Variants in EXO1 observed in about 807,000 individuals in gnomAD.
EXO1 encodes exonuclease 1.
In EXO1, 69 loss-of-function variants were observed where a neutral mutation model predicts 84.5. The ratio of observed to expected loss-of-function variants is 0.82; its 90% CI spans 0.67 to 1.00. The LOEUF (loss-of-function observed/expected upper bound fraction) is 1.00, where lower values mean the gene tolerates loss of function less well. EXO1 is among the 50% of genes least tolerant of loss of function. The pLI, the probability that EXO1 is intolerant of heterozygous loss-of-function variation, is 0.00. For synonymous variants in EXO1, 373 were observed against 366.1 expected, an observed-to-expected ratio of 1.02 and a Z score of -0.21; for missense variants, 1,045 against 1,000.7, an observed-to-expected ratio of 1.04 and a Z score of -0.60.
chr1:241,876,912 T>C (rs968519625), intron 12 of EXO1, among the ~76,000 whole-genome samples: 2 of 152,212 alleles, frequency 1.3e-5, no homozygotes, highest in Admixed American at 1.3e-4. Context: ...TTCACCTCCC[T>C]GAGCCTATTT....
At chr1:241,856,633 G>T (rs979494517) in intron 6 of EXO1, among the ~76,000 whole-genome samples, 1 of 152,072 alleles carries the variant, frequency 6.6e-6, no homozygotes, top group Non-Finnish European at 1.5e-5. Flanking sequence ...TTCGTAGCTT[G>T]ACAGGACAAC....
intron 4 of EXO1, among the ~76,000 whole-genome samples, chr1:241,850,859 T>TTA (rs1314388979): frequency 6.9e-6 from 1 of 144,076 alleles, no homozygotes; most frequent in Non-Finnish European, 1.5e-5. Flanking sequence ...TTTTTTTTTT[T>TTA]AGATGGAATC....
At chr1:241,871,266 T>C (rs1662075798) in intron 11 of EXO1, among the ~76,000 whole-genome samples, 5 of 152,212 alleles carry the variant, frequency 3.3e-5, no homozygotes, top group Non-Finnish European at 1.5e-5. Flanking sequence ...TTTAAAAATT[T>C]GAGACATCTC....
intron 8 of EXO1, among the ~76,000 whole-genome samples, chr1:241,859,317 C>G (rs1186367787): frequency 6.6e-6 from 1 of 152,112 alleles, no homozygotes; most frequent in Non-Finnish European, 1.5e-5. Context: ...TAGAAGACAG[C>G]TGTGTTCGTA....
chr1:241,870,256 C>G (rs755431220), intron 11 of EXO1, among the ~76,000 whole-genome samples: 6 of 152,114 alleles, frequency 3.9e-5, no homozygotes, highest in Admixed American at 2.0e-4. Flanking sequence ...GGTTTTGTCC[C>G]CTTTCTATAC....
intron 6 of EXO1, chr1:241,854,836 A>T (rs1227828367): frequency 6.5e-6 from 1 of 154,838 alleles, no homozygotes; most frequent in African/African-American, 2.4e-5. Flanking sequence ...TTCTGATGTT[A>T]GGATGTGTTC....
rs142108522 is a variant in EXO1 at position 241,878,885 on chromosome 1, G to A, written c.1651G>A (p.Val551Ile). The change falls in exon 13 of 16, where the codon GTT (valine) becomes ATT (isoleucine). Residue 551 changes from valine to isoleucine, a missense_variant. Val to Ile is a conservative substitution (Grantham distance 29). Transcript: ENST00000366548. The part of the protein sequence containing the change: ...EYGDQEGKRL[V>I]DTDVARNSSD... ...TGGAGACCAAGAAGGCAAGAGACTG[G>A]TTGACACAGATGTAGCACGTAATTC... The A allele has an allele frequency of 1.2e-5, 19 of 1,613,986 alleles. No homozygotes were observed. In the African/African-American group the frequency reaches 1.7e-4, roughly 15 times the overall value.
intron 6 of EXO1, among the ~76,000 whole-genome samples, chr1:241,856,926 G>A (rs1016135511): frequency 1.3e-5 from 2 of 152,128 alleles, no homozygotes; most frequent in African/African-American, 2.4e-5. Flanking sequence ...CCACCTACTC[G>A]GGAGGCTGAG....
chr1:241,868,534 G>C (rs1020747296), intron 11 of EXO1, among the ~76,000 whole-genome samples: 1 of 152,090 alleles, frequency 6.6e-6, no homozygotes, highest in Non-Finnish European at 1.5e-5. Flanking sequence ...CAAATGTGGT[G>C]ACGTGTGTCT....
intron 14 of EXO1, 27 bp downstream of exon 14, chr1:241,882,044 T>C: frequency 8.4e-7 from 1 of 1,191,872 alleles, no homozygotes; most frequent in East Asian, 2.4e-5. Context: ...ATTTTTTTTT[T>C]AATTTCAGAA....
rs1661328053 is a variant in EXO1 at position 241,860,606 on chromosome 1, C to T, written c.846C>T (p.Phe282=). 6 of 1,613,694 alleles carry T rather than the reference C, an allele frequency of 3.7e-6. No homozygotes were observed. Among genetic ancestry groups the T allele is most frequent in the Middle Eastern group, 3.3e-4 (2 of 6,062 alleles). Residue 282 remains phenylalanine (F), a synonymous_variant, in exon 9 of 16, where the codon TTC becomes TTT. Transcript: ENST00000366548. The part of the protein sequence containing the change: ...INGFIRANNT[F]LYQLVFDPIK... Reference sequence around the variant, plus strand: ...GGTTTATTCGGGCCAACAATACCTTCCTCTATCAGCTAGTTTTTGATCCCA... The same window carrying T: ...GGTTTATTCGGGCCAACAATACCTTTCTCTATCAGCTAGTTTTTGATCCCA...
At chr1:241,865,632 CTT>C (rs1661668794) in intron 10 of EXO1, among the ~76,000 whole-genome samples, 1 of 148,610 alleles carries the variant, frequency 6.7e-6, no homozygotes, top group Non-Finnish European at 1.5e-5. Context: ...GATGGCCATC[CTT>C]CATCAGCTCA....
Position 241,861,456 on chromosome 1 carries a change from TA to T in EXO1, c.998del (p.Asn333IlefsTer58). On this transcript the variant is annotated frameshift_variant, in exon 10 of 16. Coordinates refer to ENST00000366548, the MANE Select transcript of EXO1 (RefSeq NM_130398.4). LOFTEE classifies it high-confidence loss of function. ...CAAATAGCACTTGGAAATAAAGATA[TA>T]AATACTTTTGAACAGATCGATGACT... is the stretch of plus-strand genomic sequence containing the variant. Reference protein sequence around the residue: ...ALQIALGNKDINTFEQIDDYN... With the variant: ...ALQIALGNKDXNTFEQIDDYN... 6.3e-7 allele frequency: 1 copy of T among 1,594,350 alleles called. No individual in the cohort carries two copies. Among genetic ancestry groups the T allele is most frequent in the Non-Finnish European group, 8.6e-7 (1 of 1,161,992 alleles).
chr1:241,880,083 G>C (rs1374779276), intron 13 of EXO1, among the ~76,000 whole-genome samples: 1 of 151,184 alleles, frequency 6.6e-6, no homozygotes, highest in Non-Finnish European at 1.5e-5. Flanking sequence ...TTAAGTTTTA[G>C]TACTTCAGAA....
chr1:241,889,936 A>G lies in EXO1; in HGVS notation c.*336A>G, dbSNP rs1663284359. 4 of 313,798 alleles carry G rather than the reference A, an allele frequency of 1.3e-5. No individual in the cohort carries two copies. Among genetic ancestry groups the G allele is most frequent in the South Asian group, 3.0e-5 (1 of 33,594 alleles). 19.4% of individuals were successfully genotyped at this position (313,798 alleles called of 1,614,324 possible). On this transcript the variant is annotated 3_prime_UTR_variant, in exon 16 of 16. Transcript: ENST00000366548. ...TAGAAAGATAGTAAATGGAGAAACT[A>G]CAATCCTAGAGGAAATCACTGTGTT...
intron 15 of EXO1, among the ~76,000 whole-genome samples, chr1:241,886,290 T>G (rs1450249436): frequency 1.3e-5 from 2 of 152,254 alleles, no homozygotes; most frequent in Non-Finnish European, 2.9e-5. Flanking sequence ...CAGCACTGTT[T>G]TAAAAGAATT....
At chr1:241,877,191 C>T (rs1211697361) in intron 12 of EXO1, among the ~76,000 whole-genome samples, 1 of 152,104 alleles carries the variant, frequency 6.6e-6, no homozygotes, top group Non-Finnish European at 1.5e-5. Flanking sequence ...TTTTATCTTT[C>T]GAGATCTGGA....
rs1416547100 is a variant in EXO1, at chr1:241,885,308, C to G, written c.2212-6C>G. 6.2e-7 allele frequency: 1 copy of G among 1,611,254 alleles called. No homozygotes were observed. The highest frequency in any genetic ancestry group is 8.5e-7 in the Non-Finnish European group (1 of 1,177,922). On this transcript the variant is annotated splice_polypyrimidine_tract_variant and splice_region_variant and intron_variant, in intron 14 of 15. Coordinates refer to ENST00000366548, the MANE Select transcript of EXO1 (RefSeq NM_130398.4). ...AATGGTCTTAAAATGGGTGTTTAAT[C>G]TTCAGGTTCCTGGGCTATATAAGTC...
intron 7 of EXO1, 55 bp downstream of exon 7, chr1:241,857,537 C>T (rs1196737232): frequency 1.6e-6 from 2 of 1,264,538 alleles, no homozygotes; most frequent in Non-Finnish European, 2.1e-6. Context: ...TAGTGTAAAT[C>T]AAGGAGCTGA....
Sources: gnomAD v4.1 joint callset for allele counts (sites outside exome capture counted in the v4.1 genomes callset) on GRCh38, gnomAD v4.1.1 for gene constraint, MANE v1.5 for transcripts, NCBI Gene and HGNC (gene_info 2026-07-23, HGNC 2026-07-21) for gene names.